The following DBET variants were observed in gnomAD, a reference collection of about 807,000 sequenced individuals.
DBET encodes D4Z4 binding element transcript.
exon 1 of DBET, chr4:190,066,827 GGGCAC>G (rs1740679810): frequency 1.4e-5 from 1 of 72,224 alleles, no homozygotes; most frequent in Non-Finnish European, 3.6e-5. Flanking sequence ...CCGGCCGGCG[GGGCAC>G]CACCCATTCG....
At position 190,067,637 on chromosome 4, in the gene DBET, TCCCCCCCCCCCCC is replaced by T. The variant is rs1198425779; in HGVS notation, n.3145_3157del. The T allele has an allele frequency of 1.3e-4, 14 of 110,574 alleles. No individual in the cohort carries two copies. In the East Asian group the frequency reaches 2.0e-3, roughly 15 times the overall value. The allele number at this position is 110,574 out of a possible 1,614,324, so 6.8% of individuals were successfully genotyped here. Reference sequence around the variant, plus strand: ...CACCACCACCACCGCCACCACGCCCTCCCCCCCCCCCCCCCCCCCCCACCACCACCACCCCGCC... The same window carrying T: ...CACCACCACCACCGCCACCACGCCCTCCCCCCCCACCACCACCACCCCGCC... On this transcript the variant is annotated non_coding_transcript_exon_variant, in exon 1 of 1. Coordinates refer to ENST00000630918, the Ensembl canonical transcript of DBET.
At chr4:190,065,192 G>A (rs1428717774) in exon 1 of DBET, 1 of 583,838 alleles carries the variant, frequency 1.7e-6, no homozygotes, top group Non-Finnish European at 3.1e-6. Flanking sequence ...CCTCAAGTCA[G>A]AAGTGTGTGA....
At chr4:190,065,190 C>G in exon 1 of DBET, 5 of 579,980 alleles carry the variant, frequency 8.6e-6, no homozygotes, top group Non-Finnish European at 1.5e-5. Context: ...TGCCTCAAGT[C>G]AGAAGTGTGT....
In DBET at chr4:190,064,967, T is replaced by C. The variant is rs1487859245; in HGVS notation, n.466T>C. 1.6e-5 allele frequency: 5 copies of C among 315,462 alleles called. 1 individual carries two copies. The highest frequency in any genetic ancestry group is 7.5e-4 in the Middle Eastern group (1 of 1,326). 19.5% of individuals were successfully genotyped at this position (315,462 alleles called of 1,614,324 possible). A position where few individuals can be genotyped will look rare whatever the true frequency, so the allele number is the denominator to read the frequency against. Reference sequence around the variant, plus strand: ...TTCCTTGCTGTAACAGAGGAACATTTCCTGTCTTATGCTTATTCTACTCTG... The same window carrying C: ...TTCCTTGCTGTAACAGAGGAACATTCCCTGTCTTATGCTTATTCTACTCTG... On this transcript the variant is annotated non_coding_transcript_exon_variant, in exon 1 of 1. Transcript: ENST00000630918.
At position 190,064,712 on chromosome 4, in the gene DBET, C is replaced by T. The variant is rs1448692190; in HGVS notation, n.211C>T. Reference sequence around the variant, plus strand: ...TTTTAATTCTCTCCTGAAGGAGATACTGGGAGTTGGGCATTTTCTCATTAG... The same window carrying T: ...TTTTAATTCTCTCCTGAAGGAGATATTGGGAGTTGGGCATTTTCTCATTAG... On this transcript the variant is annotated non_coding_transcript_exon_variant, in exon 1 of 1. Coordinates refer to ENST00000630918, the Ensembl canonical transcript of DBET. 3.0e-5 allele frequency: 4 copies of T among 132,376 alleles called. 1 individual carries two copies. The highest frequency in any genetic ancestry group is 1.3e-4 in the African/African-American group (4 of 31,188). 8.2% of individuals were successfully genotyped at this position (132,376 alleles called of 1,614,324 possible). A position where few individuals can be genotyped will look rare whatever the true frequency, so the allele number is the denominator to read the frequency against.
exon 1 of DBET, chr4:190,064,821 A>G: frequency 7.3e-6 from 1 of 136,618 alleles, no homozygotes. Context: ...ACCAATGAAA[A>G]AAAAATTTAC....
chr4:190,064,938 T>G (rs1740575053), exon 1 of DBET: 1 of 259,696 alleles, frequency 3.9e-6, no homozygotes, highest in Non-Finnish European at 7.2e-6. Flanking sequence ...AGCCTACTTC[T>G]ATTTTCCTTG....
exon 1 of DBET, chr4:190,064,841 AC>A (rs1182922266): frequency 7.1e-6 from 1 of 140,494 alleles, no homozygotes; most frequent in Non-Finnish European, 1.5e-5. Context: ...CAAGAGAAAA[AC>A]AAAAAACCCT....
At chr4:190,065,036 G>A (rs539117909) in exon 1 of DBET, 5 of 432,552 alleles carry the variant, frequency 1.2e-5, no homozygotes, top group Middle Eastern at 5.6e-4. Flanking sequence ...ATCTTAAAGT[G>A]CATTCGAACT....
exon 1 of DBET, chr4:190,064,946 T>C (rs1740575785): frequency 3.7e-6 from 1 of 272,342 alleles, no homozygotes; most frequent in Non-Finnish European, 6.8e-6. Context: ...TCTATTTTCC[T>C]TGCTGTAACA....
In DBET at chr4:190,065,134, C is replaced by T. The variant is rs1189473325; in HGVS notation, n.633C>T. 28 of 466,570 alleles carry T rather than the reference C, an allele frequency of 6.0e-5. 7 individuals are homozygous for T. Among genetic ancestry groups the T allele is most frequent in the Admixed American group, 2.6e-4 (6 of 22,668 alleles). 28.9% of individuals were successfully genotyped at this position (466,570 alleles called of 1,614,324 possible). On this transcript the variant is annotated non_coding_transcript_exon_variant, in exon 1 of 1. Transcript: ENST00000630918. ...TTTTGGGGATCTGGGAAAATCTGTG[C>T]ACACTTCTGGAGACCCTTGTCATGC...
Sources: allele counts gnomAD v4.1 joint callset, GRCh38; gene constraint gnomAD v4.1.1; transcripts MANE v1.5; gene names NCBI Gene and HGNC (gene_info 2026-07-23, HGNC 2026-07-21).